Variants in NEB observed in about 807,000 individuals in gnomAD.
The protein encoded by NEB is nebulin.
In NEB, 512 loss-of-function variants were observed where a neutral mutation model predicts 952.2. That is an observed-to-expected ratio of 0.54 (90% CI 0.50 to 0.58). The LOEUF is 0.58. Among genes scored for constraint, NEB ranks in the 20% least tolerant of loss-of-function variants. The pLI is 0.00. For synonymous variants in NEB, 2,900 were observed against 3,149.8 expected, an observed-to-expected ratio of 0.92 and a Z score of 2.66; for missense variants, 8,428 against 9,231.1, an observed-to-expected ratio of 0.91 and a Z score of 3.56.
rs777812268 is a variant in NEB at position 151,609,927 on chromosome 2, T to C, written c.12212A>G (p.Lys4071Arg). 1 of 1,614,022 alleles carries C rather than the reference T, an allele frequency of 6.2e-7. No individual in the cohort carries two copies. Among genetic ancestry groups the C allele is most frequent in the South Asian group, 1.1e-5 (1 of 91,082 alleles). ...PVDMLSILLA[K>R]KCQTLVTDID... ...GTCAGTGACCAAAGTCTGACATTTCTTGGCCAGCAAGATGCTTAACATGTC... is the reference window on the plus strand; with the variant it reads ...GTCAGTGACCAAAGTCTGACATTTCCTGGCCAGCAAGATGCTTAACATGTC... The change falls in exon 81 of 182, where the codon AAG (lysine) becomes AGG (arginine). Residue 4071 changes from lysine (K) to arginine (R), a missense_variant. Lys to Arg is a conservative substitution (Grantham distance 26). Transcript: ENST00000397345.
chr2:151,666,504 T>C (rs1472338932), intron 40 of NEB, 103 bp from the exon 41 acceptor site: 1 of 1,157,648 alleles, frequency 8.6e-7, no homozygotes, highest in Non-Finnish European at 1.2e-6. Context: ...AGTCTGAATC[T>C]AGGTAACATC....
Position 151,562,666 on chromosome 2 carries a change from A to G in NEB, c.18836T>C (p.Leu6279Pro). The change falls in exon 120 of 182, where the codon CTT becomes CCT. Residue 6279 changes from leucine to proline, a missense_variant. This residue lies in a region of NEB where 3,374 missense variants were observed against 3,651.5 expected (regional missense o/e 0.92). Coordinates refer to ENST00000397345, the MANE Select transcript of NEB (RefSeq NM_001164508.2). ...GCGTATAACATTGGGTTCTTCCAGA[A>G]GAGACGTCCACTGGTGGAAATAGTG... ...YRHYFHQWTS[L>P]LEEPNVIRVR... The G allele has an allele frequency of 6.3e-7, 1 of 1,599,540 alleles. No individual in the cohort carries two copies. Among genetic ancestry groups the G allele is most frequent in the Non-Finnish European group, 8.6e-7 (1 of 1,168,840 alleles).
intron 13 of NEB, among the ~76,000 whole-genome samples, chr2:151,705,977 T>A (rs2099704377): frequency 6.6e-6 from 1 of 152,206 alleles, no homozygotes; most frequent in African/African-American, 2.4e-5. Flanking sequence ...TAGTGTACAC[T>A]GTAGGTGATG....
chr2:151,625,661 T>A, intron 70 of NEB, 23 bp from the exon 71 acceptor site: 1 of 1,504,640 alleles, frequency 6.6e-7, no homozygotes, highest in Admixed American at 1.8e-5. Context: ...AAAAGGTTAA[T>A]GAATTAGAAA....
In NEB at chr2:151,488,589, C is replaced by T. The variant is rs181871556; in HGVS notation, c.25404+1382G>A. ...TGAGTCCATGAAGTCGAGACTGCAG[C>T]GAGCTGTGATCATGCCACCACACTG... is the stretch of plus-strand genomic sequence containing the variant. On this transcript the variant is annotated intron_variant, in intron 181 of 181. Transcript: ENST00000397345. 2.2e-3 allele frequency among the ~76,000 whole-genome samples: 336 copies of T among 152,002 alleles called. 2 individuals are homozygous for T. The highest frequency in any genetic ancestry group is 7.6e-3 in the African/African-American group (316 of 41,450).
rs201080620 is a variant in NEB, at chr2:151,627,357, T to C, written c.10144-152A>G. Among the ~76,000 whole-genome samples, 29 of 152,342 alleles carry C rather than the reference T, an allele frequency of 1.9e-4. No individual in the cohort carries two copies. The East Asian group carries it at 3.9e-3, about 20-fold the overall frequency. ...CCAAATTGAATACAGTCTCAGGTAT[T>C]ACTTTCTTTCTCTCCAAAAAAAGTA... is the stretch of plus-strand genomic sequence containing the variant. On this transcript the variant is annotated intron_variant, in intron 69 of 181. Transcript: ENST00000397345.
chr2:151,567,539 C>T (rs1197046962), intron 113 of NEB, 60 bp from the exon 114 acceptor site: 3 of 1,473,644 alleles, frequency 2.0e-6, no homozygotes, highest in Non-Finnish European at 2.7e-6. Flanking sequence ...GCAGAGGGGG[C>T]TTGATCATCT....
At chr2:151,728,607 G>A (rs888674429) in intron 4 of NEB, among the ~76,000 whole-genome samples, 4 of 152,114 alleles carry the variant, frequency 2.6e-5, no homozygotes, top group South Asian at 2.1e-4. Flanking sequence ...CGTAGTAGGT[G>A]AGAAATTACT....
At chr2:151,519,348 T>C (rs1442703831) in intron 154 of NEB, among the ~76,000 whole-genome samples, 1 of 152,178 alleles carries the variant, frequency 6.6e-6, no homozygotes, top group Admixed American at 6.5e-5. Context: ...CTTGAACATA[T>C]TATGCTAAGT....
chr2:151,502,775 TGG>T lies in NEB; in HGVS notation c.23928+16_23928+17del. ...TAAAATTAAGGGATTTTTTTTTTTT[TGG>T]CCCCCTAAGAAATACCGAGCTAAAG... is the stretch of plus-strand genomic sequence containing the variant. On this transcript the variant is annotated intron_variant, in intron 167 of 181. Coordinates refer to ENST00000397345, the MANE Select transcript of NEB (RefSeq NM_001164508.2). 2.8e-6 allele frequency: 4 copies of T among 1,404,420 alleles called. No homozygotes were observed. In the Admixed American group the frequency reaches 5.1e-5, roughly 18 times the overall value. 87.0% of individuals were successfully genotyped at this position (1,404,420 alleles called of 1,614,324 possible). A position where few individuals can be genotyped will look rare whatever the true frequency, so the allele number is the denominator to read the frequency against.
chr2:151,695,912 T>C (rs963874975), intron 17 of NEB, among the ~76,000 whole-genome samples: 4 of 152,154 alleles, frequency 2.6e-5, no homozygotes, highest in Non-Finnish European at 4.4e-5. Context: ...CTGTCAAACA[T>C]GTTCCCCTCC....
At position 151,697,147 on chromosome 2, in the gene NEB, C is replaced by T. The variant is rs1220787593; in HGVS notation, c.1470+1G>A. ...ATTCAAAGTTCAGACTACAGACTTA[C>T]GTCTTTACACTGATCTAGTTTCTTA... On this transcript the variant is annotated splice_donor_variant, in intron 16 of 181. Transcript: ENST00000397345. LOFTEE classifies it high-confidence loss of function. 3.7e-6 allele frequency: 6 copies of T among 1,606,618 alleles called. No individual in the cohort carries two copies. Among genetic ancestry groups the T allele is most frequent in the South Asian group, 3.3e-5 (3 of 90,498 alleles).
intron 55 of NEB, among the ~76,000 whole-genome samples, chr2:151,645,006 G>C (rs1368869831): frequency 1.3e-5 from 2 of 152,150 alleles, no homozygotes; most frequent in African/African-American, 4.8e-5. Flanking sequence ...ACAATGGGAA[G>C]TATTAATATT....
chr2:151,692,091 G>C lies in NEB; in HGVS notation c.2074C>G (p.His692Asp). The part of the protein sequence containing the change: ...VGSMEDPYHT[H>D]CMKVAAQNSD... ...TTTTGAGCTGCAACTTTCATGCAGT[G>C]TGTGTGATATGGGTCCTCCATGCTG... is the stretch of plus-strand genomic sequence containing the variant. The change falls in exon 22 of 182, where the codon CAC (histidine) becomes GAC (aspartate). Residue 692 changes from histidine (H) to aspartate (D), a missense_variant. His to Asp is a moderately conservative substitution (Grantham distance 81). This residue lies in a region of NEB where 2,851 missense variants were observed against 2,791.5 expected (regional missense o/e 1.02). Transcript: ENST00000397345. The C allele has an allele frequency of 6.2e-7, 1 of 1,613,934 alleles. No homozygotes were observed. The highest frequency in any genetic ancestry group is 1.7e-5 in the Admixed American group (1 of 60,020).
At chr2:151,579,080 C>CA (rs1159995102) in intron 105 of NEB, among the ~76,000 whole-genome samples, 1,440 of 31,660 alleles carry the variant, frequency 0.045, 146 homozygotes, top group Middle Eastern at 0.094. Flanking sequence ...GACTCCATCT[C>CA]AAAAAAAAAA....
chr2:151,677,627 T>C lies in NEB; in HGVS notation c.3712A>G (p.Thr1238Ala). The change falls in exon 34 of 182, where the codon ACC (threonine) becomes GCC (alanine). Residue 1238 changes from threonine to alanine, a missense_variant. Around this residue, in one of 11 missense-constraint regions of NEB, gnomAD observed 2,851 missense variants for 2,791.5 expected, o/e 1.02. Transcript: ENST00000397345. ...YRQHPDTLKF[T>A]SIVDSPVMVQ... ...ATAACTGGGGAGTCCACAATGCTGG[T>C]AAATTTGAGGGTGTCTGGATGTTGC... The C allele has an allele frequency of 1.9e-6, 3 of 1,614,016 alleles. No individual in the cohort carries two copies. Among genetic ancestry groups the C allele is most frequent in the Non-Finnish European group, 2.5e-6 (3 of 1,179,886 alleles).
chr2:151,700,786 G>A (rs1397600276), intron 13 of NEB, among the ~76,000 whole-genome samples: 712 of 101,304 alleles, frequency 7.0e-3, no homozygotes, highest in Middle Eastern at 0.017. Context: ...GGGTTTTCTA[G>A]ATATACAATC....
rs1475066401 is a variant in NEB at position 151,552,726 on chromosome 2, G to A, written c.19782C>T (p.Val6594=). Residue 6594 remains valine (V), a synonymous_variant, in exon 128 of 182, where the codon GTC becomes GTT. Transcript: ENST00000397345. ...MLKTRNDYKL[V]TDTPVYVQAV... ...CCTGCACGTAGACTGGTGTATCTGT[G>A]ACAAGCTTGTAGTCATTCCTTGTTT... 6 of 1,613,356 alleles carry A rather than the reference G, an allele frequency of 3.7e-6. No homozygotes were observed. Among genetic ancestry groups the A allele is most frequent in the Admixed American group, 3.3e-5 (2 of 59,972 alleles).
At position 151,506,154 on chromosome 2, in the gene NEB, C is replaced by G. The variant is rs2068708074; in HGVS notation, c.23649+12G>C. On this transcript the variant is annotated intron_variant, in intron 164 of 181. Transcript: ENST00000397345. Reference sequence around the variant, plus strand: ...GCAGAAAATATTGCAAGTGCATTCACTGTGTCTTTACCGAGCTAATGTGGT... The same window carrying G: ...GCAGAAAATATTGCAAGTGCATTCAGTGTGTCTTTACCGAGCTAATGTGGT... 6.3e-7 allele frequency: 1 copy of G among 1,594,416 alleles called. No homozygotes were observed. Among genetic ancestry groups the G allele is most frequent in the African/African-American group, 1.3e-5 (1 of 74,454 alleles).
Sources: gnomAD v4.1 joint callset for allele counts (sites outside exome capture counted in the v4.1 genomes callset) on GRCh38, gnomAD v4.1.1 for gene constraint, gnomAD v4.1.1 regional missense constraint, MANE v1.5 for transcripts, NCBI Gene and HGNC (gene_info 2026-07-23, HGNC 2026-07-21) for gene names.